The following TRPC4 variants were observed in gnomAD, a reference collection of about 807,000 sequenced individuals.
TRPC4 encodes short transient receptor potential channel 4.
TRPC4 carries 49 observed loss-of-function variants against 99.4 expected under a neutral mutation model. The ratio of observed to expected loss-of-function variants is 0.49; its 90% confidence interval spans 0.39 to 0.63. TRPC4 has a LOEUF of 0.63. Ranked by LOEUF, TRPC4 falls within the 20% of genes least tolerant of loss-of-function variation. The pLI is 0.00. For synonymous variants in TRPC4, 454 were observed against 425.9 expected (o/e 1.07, Z -0.81); for missense variants, 898 against 1,152.9 (o/e 0.78, Z 3.20).
At chr13:37,711,516 G>T (rs1366654277) in intron 3 of TRPC4, among the ~76,000 whole-genome samples, 1 of 151,726 alleles carries the variant, frequency 6.6e-6, no homozygotes, top group African/African-American at 2.4e-5. Flanking sequence ...TATTCCCTGT[G>T]CTCCCAGAAT....
chr13:37,643,416 G>A (rs907827441), intron 8 of TRPC4, among the ~76,000 whole-genome samples: 52 of 152,176 alleles, frequency 3.4e-4, no homozygotes, highest in African/African-American at 1.2e-3. Flanking sequence ...TGCTGTAAGT[G>A]TGATATTTGA....
At chr13:37,761,681 A>G (rs1192347755) in intron 2 of TRPC4, among the ~76,000 whole-genome samples, 2 of 151,900 alleles carry the variant, frequency 1.3e-5, no homozygotes, top group Non-Finnish European at 2.9e-5. Context: ...AAATCACTAA[A>G]TAACATGGAG....
chr13:37,714,524 A>G (rs1268969637), intron 3 of TRPC4, among the ~76,000 whole-genome samples: 1 of 152,252 alleles, frequency 6.6e-6, no homozygotes, highest in East Asian at 1.9e-4. Context: ...ATCATGACAC[A>G]TAGCTGCATA....
At chr13:37,817,588 C>A (rs1305736893) in intron 1 of TRPC4, among the ~76,000 whole-genome samples, 1 of 151,182 alleles carries the variant, frequency 6.6e-6, no homozygotes, top group Non-Finnish European at 1.5e-5. Flanking sequence ...GGAAAACAAA[C>A]AAACAAACAA....
chr13:37,773,093 G>C (rs1402681520), intron 2 of TRPC4, among the ~76,000 whole-genome samples: 1 of 151,688 alleles, frequency 6.6e-6, no homozygotes, highest in African/African-American at 2.4e-5. Flanking sequence ...TTCAGTCAGG[G>C]GCCTCTGGCT....
chr13:37,861,536 G>C (rs547279554), intron 1 of TRPC4, among the ~76,000 whole-genome samples: 92 of 151,588 alleles, frequency 6.1e-4, no homozygotes, highest in African/African-American at 2.1e-3. Flanking sequence ...TAAAATTGTT[G>C]ACATTTTTAT....
chr13:37,757,753 C>A (rs1956130998), intron 2 of TRPC4, among the ~76,000 whole-genome samples: 1 of 151,710 alleles, frequency 6.6e-6, no homozygotes, highest in East Asian at 1.9e-4. Context: ...ATAAAGAACA[C>A]CTGGAGAAAA....
chr13:37,849,718 C>T (rs900941632), intron 1 of TRPC4, among the ~76,000 whole-genome samples: 2 of 152,180 alleles, frequency 1.3e-5, no homozygotes, highest in African/African-American at 4.8e-5. Flanking sequence ...ATTCTCCAGC[C>T]TCAGAATGTT....
intron 5 of TRPC4, among the ~76,000 whole-genome samples, chr13:37,668,060 G>T (rs139417837): frequency 6.6e-6 from 1 of 152,316 alleles, no homozygotes; most frequent in African/African-American, 2.4e-5. Context: ...CCCGACTGCA[G>T]ATGCATGGAC....
At chr13:37,746,781 C>G (rs1457545774) in intron 2 of TRPC4, among the ~76,000 whole-genome samples, 2 of 152,034 alleles carry the variant, frequency 1.3e-5, no homozygotes, top group Non-Finnish European at 2.9e-5. Flanking sequence ...CCAGCTGACA[C>G]TATTTTCTTT....
At chr13:37,774,017 T>G (rs1201659460) in intron 2 of TRPC4, among the ~76,000 whole-genome samples, 2 of 151,768 alleles carry the variant, frequency 1.3e-5, no homozygotes, top group Non-Finnish European at 2.9e-5. Context: ...AATTCACATT[T>G]ATATATAATG....
At chr13:37,792,723 T>TTGTGTGTGTGTG (rs57918365) in intron 1 of TRPC4, among the ~76,000 whole-genome samples, 73 of 146,640 alleles carry the variant, frequency 5.0e-4, no homozygotes, top group African/African-American at 1.8e-3. Context: ...GCTTCTAAAT[T>TTGTGTGTGTGTG]TGTGTGTGTG....
intron 1 of TRPC4, among the ~76,000 whole-genome samples, chr13:37,793,609 A>C (rs1272972695): frequency 6.6e-6 from 1 of 152,120 alleles, no homozygotes; most frequent in African/African-American, 2.4e-5. Flanking sequence ...GAGAAAAGGA[A>C]ATATAAGTAG....
intron 1 of TRPC4, among the ~76,000 whole-genome samples, chr13:37,859,705 G>C (rs535561998): frequency 3.6e-4 from 54 of 151,408 alleles, no homozygotes; most frequent in African/African-American, 1.3e-3. Flanking sequence ...AAAATTCATA[G>C]TCAACATACA....
intron 3 of TRPC4, among the ~76,000 whole-genome samples, chr13:37,734,504 C>T (rs1185401920): frequency 2.0e-5 from 3 of 152,072 alleles, no homozygotes; most frequent in African/African-American, 7.2e-5. Flanking sequence ...CATGTGCTCT[C>T]TGTCTTAGCT....
chr13:37,850,756 T>C (rs1447246553), intron 1 of TRPC4, among the ~76,000 whole-genome samples: 1 of 152,170 alleles, frequency 6.6e-6, no homozygotes, highest in Non-Finnish European at 1.5e-5. Context: ...AATTAACTTT[T>C]CTTAAAGAAG....
chr13:37,657,207 G>A (rs1214523315), intron 6 of TRPC4, among the ~76,000 whole-genome samples: 1 of 152,184 alleles, frequency 6.6e-6, no homozygotes, highest in African/African-American at 2.4e-5. Flanking sequence ...AGGAGAAAGG[G>A]CACTGATCTG....
chr13:37,838,589 T>C (rs1958636748), intron 1 of TRPC4, among the ~76,000 whole-genome samples: 1 of 152,220 alleles, frequency 6.6e-6, no homozygotes, highest in South Asian at 2.1e-4. Context: ...TGATTTCTTT[T>C]TTAGTAAGTA....
Position 37,674,200 on chromosome 13 carries a change from C to T in TRPC4, c.1374+28G>A, listed in dbSNP as rs374921330. The T allele has an allele frequency of 2.1e-4, 330 of 1,551,060 alleles. 1 individual carries two copies. The highest frequency in any genetic ancestry group is 2.6e-4 in the Non-Finnish European group (297 of 1,150,798). On this transcript the variant is annotated intron_variant, in intron 5 of 10. Transcript: ENST00000379705. ...ATATCATTAATAATCAGAACATATG[C>T]TTTACCAACAACATAAATAATAGTT...
Sources: allele counts gnomAD v4.1 joint callset (sites outside exome capture counted in the v4.1 genomes callset), GRCh38; gene constraint gnomAD v4.1.1; transcripts MANE v1.5; gene names NCBI Gene and HGNC (gene_info 2026-07-23, HGNC 2026-07-21).